The following CDK12 variants were observed in gnomAD, a reference collection of about 807,000 sequenced individuals.
CDK12 encodes cyclin-dependent kinase 12.
CDK12 carries 17 observed loss-of-function variants against 133.8 expected under a neutral mutation model. That is an observed-to-expected ratio of 0.13 (90% CI 0.09 to 0.19). The LOEUF (loss-of-function observed/expected upper bound fraction) is 0.19. Ranked by LOEUF, CDK12 falls within the 10% of genes least tolerant of loss-of-function variation. The pLI is 1.00. For synonymous variants in CDK12, 694 were observed against 683.6 expected (o/e 1.02, Z -0.24); for missense variants, 1,508 against 1,818.7 (o/e 0.83, Z 3.11).
At position 39,490,725 on chromosome 17, in the gene CDK12, G is replaced by A; in HGVS notation, c.2100G>A (p.Lys700=). The A allele has an allele frequency of 6.3e-7, 1 of 1,598,462 alleles. No homozygotes were observed. The change falls in exon 3 of 14, where the codon AAG becomes AAA. Residue 700 remains lysine (K), a synonymous_variant. Transcript: ENST00000447079. ...AITPPQQPYK[K]RPKICCPRYG... ...CACCACCTCAGCAACCATATAAAAA[G>A]AGACCAAAGTGAGTTTTTGGAGGAA...
chr17:39,479,729 C>G (rs1302647961), intron 2 of CDK12, among the ~76,000 whole-genome samples: 1 of 151,500 alleles, frequency 6.6e-6, no homozygotes, highest in Non-Finnish European at 1.5e-5. Context: ...CGGGTTCAAG[C>G]AATTCTCCTG....
intron 7 of CDK12, among the ~76,000 whole-genome samples, chr17:39,510,114 C>CTTTTTTT (rs762953806): frequency 1.6e-5 from 2 of 125,478 alleles, no homozygotes; most frequent in African/African-American, 6.5e-5. Context: ...CAATCTCTCT[C>CTTTTTTT]TTTTTTTTTT....
At chr17:39,525,775 ATATTGTAAG>A (rs1306004846) in intron 12 of CDK12, 80 bp from the exon 13 acceptor site, 1 of 898,014 alleles carries the variant, frequency 1.1e-6, no homozygotes, top group East Asian at 2.5e-5. Context: ...CATTTTTTGG[ATATTGTAAG>A]TTGCTGTTGC....
intron 2 of CDK12, among the ~76,000 whole-genome samples, chr17:39,481,664 C>T (rs1207168513): frequency 7.9e-4 from 10 of 12,668 alleles, no homozygotes; most frequent in East Asian, 2.4e-3. Flanking sequence ...CTCTCTCTCT[C>T]TCTCTCTCTC....
intron 2 of CDK12, among the ~76,000 whole-genome samples, chr17:39,552,426 C>T (rs2055991034): frequency 6.6e-6 from 1 of 152,134 alleles, no homozygotes; most frequent in African/African-American, 2.4e-5. Context: ...TGTGGCAGGA[C>T]ATTTAGAGCA....
intron 12 of CDK12, 47 bp from the exon 13 acceptor site, chr17:39,525,817 C>T: frequency 6.7e-7 from 1 of 1,489,714 alleles, no homozygotes; most frequent in Non-Finnish European, 9.2e-7. Flanking sequence ...GCAAAGGGCC[C>T]TTGGCCTATC....
chr17:39,495,705 G>T (rs2052048142), intron 5 of CDK12, among the ~76,000 whole-genome samples: 2 of 150,476 alleles, frequency 1.3e-5, no homozygotes, highest in African/African-American at 4.9e-5. Flanking sequence ...TGAGGCAGGA[G>T]AATGGTGTGA....
chr17:39,551,500 A>G (rs1567816081), intron 2 of CDK12, among the ~76,000 whole-genome samples: 1 of 151,590 alleles, frequency 6.6e-6, no homozygotes, highest in Non-Finnish European at 1.5e-5. Context: ...TTTTTTTTTG[A>G]AATCTTACCA....
chr17:39,534,649 C>T (rs112875044), downstream of CDK12: 3 of 206,814 alleles, frequency 1.5e-5, no homozygotes, highest in African/African-American at 6.8e-5. Context: ...GGTTCTCTGT[C>T]TCAGAATCAT....
At chr17:39,465,030 G>A (rs557180023) in intron 1 of CDK12, among the ~76,000 whole-genome samples, 3 of 152,024 alleles carry the variant, frequency 2.0e-5, no homozygotes, top group East Asian at 1.9e-4. Flanking sequence ...GGCGGATCAC[G>A]AGGTAGGGAG....
chr17:39,490,509 G>T (rs751083743), intron 2 of CDK12, 48 bp from the exon 3 acceptor site: 1 of 1,359,084 alleles, frequency 7.4e-7, no homozygotes, highest in East Asian at 2.4e-5. Flanking sequence ...ATTTTTATTT[G>T]CGTATCTTTA....
chr17:39,463,646 T>G (rs750580483), intron 1 of CDK12, among the ~76,000 whole-genome samples: 6 of 152,036 alleles, frequency 3.9e-5, no homozygotes, highest in Non-Finnish European at 8.8e-5. Context: ...ATTCCTGTCT[T>G]TTAACTGATG....
rs1252434730 is a variant in CDK12 at position 39,533,057 on chromosome 17, GAGAA to G, written c.*1744_*1747del. On this transcript the variant is annotated 3_prime_UTR_variant, in exon 14 of 14. Coordinates refer to ENST00000447079, the MANE Select transcript of CDK12 (RefSeq NM_016507.4). ...TTTAAAAAATAAAATCTACTTATAA[GAGAA>G]AGGTGCATTACTTAAAAAAAAAAAA... is the stretch of plus-strand genomic sequence containing the variant. 3 of 222,238 alleles carry G rather than the reference GAGAA, an allele frequency of 1.3e-5. No homozygotes were observed. The highest frequency in any genetic ancestry group is 1.7e-5 in the Non-Finnish European group (2 of 114,376). 13.8% of individuals were successfully genotyped at this position (222,238 alleles called of 1,614,324 possible).
chr17:39,490,823 G>C (rs1398669773), intron 3 of CDK12, 90 bp downstream of exon 3: 2 of 919,568 alleles, frequency 2.2e-6, no homozygotes. Flanking sequence ...ACCCACACCA[G>C]TAAGATCGTA....
At chr17:39,496,912 CTTTTTTTTTTT>C (rs71147349) in intron 5 of CDK12, among the ~76,000 whole-genome samples, 5 of 87,820 alleles carry the variant, frequency 5.7e-5, no homozygotes, top group Admixed American at 1.5e-4. Flanking sequence ...TTCAGTATAT[CTTTTTTTTTTT>C]TTTTTTTTTT....
chr17:39,559,857 TA>T (rs56017248), intron 3 of CDK12, among the ~76,000 whole-genome samples: 101,678 of 133,924 alleles, frequency 0.76, 37,759 homozygotes, highest in South Asian at 0.88. Context: ...GAAAAAATGT[TA>T]AAAAAAAAAA....
chr17:39,470,851 A>G (rs1474866662), intron 1 of CDK12, 28 bp from the exon 2 acceptor site: 4 of 1,570,420 alleles, frequency 2.5e-6, no homozygotes, highest in Middle Eastern at 2.1e-4. Flanking sequence ...TAGTCCATTC[A>G]TTTAAAACTG....
chr17:39,525,286 T>C (rs956141840), intron 12 of CDK12, among the ~76,000 whole-genome samples: 1 of 152,216 alleles, frequency 6.6e-6, no homozygotes, highest in African/African-American at 2.4e-5. Flanking sequence ...AATTGCTAAA[T>C]GTTGTTCTAT....
At chr17:39,536,447 T>C (rs1402187201), downstream of CDK12, among the ~76,000 whole-genome samples, 2 of 152,170 alleles carry the variant, frequency 1.3e-5, no homozygotes, top group East Asian at 1.9e-4. Flanking sequence ...ATTTGTGTTA[T>C]GTAGGGTACA....
Sources: allele counts gnomAD v4.1 joint callset (sites outside exome capture counted in the v4.1 genomes callset), GRCh38; gene constraint gnomAD v4.1.1; transcripts MANE v1.5; gene names NCBI Gene and HGNC (gene_info 2026-07-23, HGNC 2026-07-21).